EDA: variants seen among roughly 807,000 people sequenced by gnomAD.
The protein encoded by EDA is ectodysplasin A.
A neutral mutation model predicts 23.6 loss-of-function variants in EDA; 2 were observed. That is an observed-to-expected ratio of 0.08 (90% CI 0.03 to 0.27). EDA has a LOEUF of 0.27. Among genes scored for constraint, EDA ranks in the 10% least tolerant of loss-of-function variants. The probability of loss-of-function intolerance (pLI) is 1.00; values close to 1 mark genes in which losing one functional copy is unlikely to be tolerated. For missense variants in EDA, 229 were observed against 324.2 expected (o/e 0.71, Z 2.26); for synonymous variants, 131 against 132.0 (o/e 0.99, Z 0.05).
At chrX:69,722,703 A>G (rs1046380544) in intron 1 of EDA, among the ~76,000 whole-genome samples, 1 of 111,306 alleles carries the variant, frequency 9.0e-6, no homozygotes, top group Non-Finnish European at 1.9e-5. Context: ...TCATTACACT[A>G]GTAGAGCTAT....
intron 1 of EDA, among the ~76,000 whole-genome samples, chrX:69,797,376 G>A (rs2015567613): frequency 9.0e-6 from 1 of 110,761 alleles, no homozygotes; most frequent in Non-Finnish European, 1.9e-5. Context: ...CACCTATAAG[G>A]GAGTCGCCAT....
At chrX:69,912,769 CT>C (rs750059116) in intron 1 of EDA, among the ~76,000 whole-genome samples, 25,555 of 78,604 alleles carry the variant, frequency 0.33, 3,431 homozygotes, top group Middle Eastern at 0.52. Flanking sequence ...TTTTTCTTTT[CT>C]TTTTTTTTTT....
intron 1 of EDA, among the ~76,000 whole-genome samples, chrX:69,740,182 A>C (rs768737980): frequency 9.0e-6 from 1 of 111,174 alleles, no homozygotes; most frequent in South Asian, 3.7e-4. Flanking sequence ...AGAAAGAATA[A>C]ACATATACAT....
chrX:69,664,506 G>A (rs770511412), intron 1 of EDA, among the ~76,000 whole-genome samples: 10 of 111,729 alleles, frequency 9.0e-5, no homozygotes, highest in South Asian at 3.8e-4. Flanking sequence ...TAAATTACTC[G>A]TCCTTATGTC....
chrX:69,631,442 C>G (rs1932583174), intron 1 of EDA, among the ~76,000 whole-genome samples: 1 of 107,942 alleles, frequency 9.3e-6, no homozygotes, highest in Non-Finnish European at 1.9e-5. Context: ...GCTCCACACC[C>G]CGCTCCTTGA....
intron 1 of EDA, among the ~76,000 whole-genome samples, chrX:69,663,325 G>A (rs749649143): frequency 3.6e-5 from 4 of 112,163 alleles, no homozygotes; most frequent in Non-Finnish European, 7.5e-5. Flanking sequence ...GGGACTTGGT[G>A]TCCTGTGTCC....
chrX:69,951,686 G>C (rs1181181074), intron 1 of EDA, among the ~76,000 whole-genome samples: 1 of 111,726 alleles, frequency 9.0e-6, no homozygotes, highest in Admixed American at 9.5e-5. Flanking sequence ...TGTGGGTTTA[G>C]ATATATAAAA....
At chrX:69,628,269 G>A (rs191675739) in intron 1 of EDA, among the ~76,000 whole-genome samples, 2 of 111,729 alleles carry the variant, frequency 1.8e-5, no homozygotes, top group African/African-American at 3.3e-5. Flanking sequence ...TGCATGCTGC[G>A]AAAGCACTTT....
At chrX:69,961,968 A>G (rs1216365337) in intron 2 of EDA, among the ~76,000 whole-genome samples, 1 of 111,982 alleles carries the variant, frequency 8.9e-6, no homozygotes, top group Non-Finnish European at 1.9e-5. Flanking sequence ...ACAGCACTCC[A>G]GAAATCCACA....
intron 1 of EDA, among the ~76,000 whole-genome samples, chrX:69,774,236 C>G (rs1331511633): frequency 8.9e-6 from 1 of 112,071 alleles, no homozygotes; most frequent in African/African-American, 3.2e-5. Context: ...TCACATGCAT[C>G]CACTGATTAG....
intron 1 of EDA, among the ~76,000 whole-genome samples, chrX:69,684,297 G>A (rs1248081435): frequency 5.4e-5 from 6 of 111,511 alleles, no homozygotes; most frequent in East Asian, 2.8e-4. Flanking sequence ...CAGAAAAACC[G>A]AAAAACAAAC....
intron 1 of EDA, among the ~76,000 whole-genome samples, chrX:69,935,069 C>T (rs895536009): frequency 8.9e-6 from 1 of 111,784 alleles, no homozygotes; most frequent in African/African-American, 3.3e-5. Context: ...TGACTTCTTT[C>T]AATTAACGTC....
At chrX:69,909,588 C>T (rs1027197222) in intron 1 of EDA, among the ~76,000 whole-genome samples, 6 of 112,714 alleles carry the variant, frequency 5.3e-5, no homozygotes, top group East Asian at 2.8e-4. Context: ...CGTGAGCCAC[C>T]GCGCCCGGCC....
At chrX:69,718,266 T>G (rs2147339761) in intron 1 of EDA, among the ~76,000 whole-genome samples, 1 of 111,565 alleles carries the variant, frequency 9.0e-6, no homozygotes, top group Non-Finnish European at 1.9e-5. Flanking sequence ...TTTTCTTTCT[T>G]TCTTTCTTTC....
At chrX:69,910,577 T>C (rs2018251984) in intron 1 of EDA, among the ~76,000 whole-genome samples, 1 of 110,713 alleles carries the variant, frequency 9.0e-6, no homozygotes, top group Non-Finnish European at 1.9e-5. Context: ...CAATTACATA[T>C]GTGTTTGAAC....
intron 2 of EDA, among the ~76,000 whole-genome samples, chrX:69,969,041 G>A (rs1289215393): frequency 1.8e-5 from 2 of 111,947 alleles, no homozygotes; most frequent in African/African-American, 6.5e-5. Flanking sequence ...GTCTAGTCAC[G>A]CTGAATTCTA....
At chrX:70,032,201 G>A (rs1396053655) in intron 6 of EDA, among the ~76,000 whole-genome samples, 1 of 109,363 alleles carries the variant, frequency 9.1e-6, no homozygotes, top group African/African-American at 3.3e-5. Context: ...GGAGGTTGCA[G>A]TGAGCCAAGA....
At chrX:70,024,456 T>A (rs1218161249) in intron 3 of EDA, among the ~76,000 whole-genome samples, 1 of 112,732 alleles carries the variant, frequency 8.9e-6, no homozygotes, top group Admixed American at 9.3e-5. Flanking sequence ...ACCACCAAGA[T>A]ATTCTGTCTT....
chrX:69,974,489 G>A (rs1201682877), intron 2 of EDA, among the ~76,000 whole-genome samples: 1 of 110,983 alleles, frequency 9.0e-6, no homozygotes, highest in African/African-American at 3.3e-5. Context: ...ACACCATTCT[G>A]GACATCAGCT....
Sources: allele counts gnomAD v4.1 joint callset (sites outside exome capture counted in the v4.1 genomes callset), GRCh38; gene constraint gnomAD v4.1.1; transcripts MANE v1.5; gene names NCBI Gene and HGNC (gene_info 2026-07-23, HGNC 2026-07-21).